WDR86: variants seen among roughly 807,000 people sequenced by gnomAD.
The protein encoded by WDR86 is WD repeat-containing protein 86.
A neutral mutation model predicts 36.5 loss-of-function variants in WDR86; 30 were observed. The ratio of observed to expected loss-of-function variants is 0.82; its 90% CI spans 0.61 to 1.11. WDR86 has a LOEUF of 1.11. Ranked by LOEUF, WDR86 falls within the 50% of genes most tolerant of loss-of-function variation. The pLI, the probability that WDR86 is intolerant of heterozygous loss-of-function variation, is 0.00. For missense variants in WDR86, 545 were observed against 561.2 expected (o/e 0.97, Z 0.29); for synonymous variants, 255 against 252.9 (o/e 1.01, Z -0.08).
At chr7:151,391,434 C>T (rs898148376) in intron 3 of WDR86, among the ~76,000 whole-genome samples, 5 of 152,128 alleles carry the variant, frequency 3.3e-5, no homozygotes, top group East Asian at 1.9e-4. Context: ...TGAGTGGTGT[C>T]GGGTGAAAGA....
chr7:151,408,199 C>CTTTTT (rs1029293163), intron 1 of WDR86, among the ~76,000 whole-genome samples: 30 of 116,064 alleles, frequency 2.6e-4, no homozygotes, highest in African/African-American at 8.4e-4. Context: ...CTTTTCTTTT[C>CTTTTT]TTTTTTTTTT....
chr7:151,395,223 A>G (rs1371032295), intron 3 of WDR86, among the ~76,000 whole-genome samples: 1 of 152,208 alleles, frequency 6.6e-6, no homozygotes, highest in Non-Finnish European at 1.5e-5. Flanking sequence ...TGACAGCACA[A>G]AGACAAACCA....
chr7:151,389,238 G>C (rs2150775421), intron 3 of WDR86, among the ~76,000 whole-genome samples: 1 of 151,648 alleles, frequency 6.6e-6, no homozygotes, highest in South Asian at 2.1e-4. Flanking sequence ...TAACAGGCGT[G>C]AGCCACCGTG....
At chr7:151,382,055 C>A in intron 4 of WDR86, 74 bp from the exon 5 acceptor site, 1 of 1,398,216 alleles carries the variant, frequency 7.2e-7, no homozygotes. Flanking sequence ...GCGGCGAGAG[C>A]GTGACCTGGG....
chr7:151,409,097 C>T lies in WDR86; in HGVS notation c.163+330G>A, dbSNP rs1361345469. Reference sequence around the variant, plus strand: ...TTGCTTAGAAGGAGTATAGGTGCAACTTTTTGTTTGTTAACATTGTTGTCA... The same window carrying T: ...TTGCTTAGAAGGAGTATAGGTGCAATTTTTTGTTTGTTAACATTGTTGTCA... On this transcript the variant is annotated intron_variant, in intron 1 of 5. Coordinates refer to ENST00000334493, the MANE Select transcript of WDR86 (RefSeq NM_198285.3). The surrounding 1 kb of genome is among the most constrained non-coding windows in gnomAD (Gnocchi z 5.2). 1 of 598,460 alleles carries T rather than the reference C, an allele frequency of 1.7e-6. No homozygotes were observed. Among genetic ancestry groups the T allele is most frequent in the South Asian group, 1.5e-5 (1 of 65,590 alleles). The allele number at this position is 598,460 out of a possible 1,614,324, so 37.1% of individuals were successfully genotyped here.
chr7:151,392,411 G>T (rs1221022576), intron 3 of WDR86, among the ~76,000 whole-genome samples: 1 of 152,176 alleles, frequency 6.6e-6, no homozygotes, highest in Admixed American at 6.5e-5. Flanking sequence ...GGAACTTAGG[G>T]TTTGTGTTTA....
At chr7:151,376,386 C>A (rs1798250767), downstream of WDR86, 1 of 524,720 alleles carries the variant, frequency 1.9e-6, no homozygotes, top group Admixed American at 3.4e-5. Context: ...TGGCGCCCTG[C>A]TCTCAGCCCG....
At chr7:151,400,870 T>G (rs1452910078) in intron 1 of WDR86, among the ~76,000 whole-genome samples, 1 of 152,256 alleles carries the variant, frequency 6.6e-6, no homozygotes, top group Non-Finnish European at 1.5e-5. Flanking sequence ...CAAGCAAAGC[T>G]ATCTTCAGTA....
chr7:151,372,848 C>T (rs1798025450), downstream of WDR86, among the ~76,000 whole-genome samples: 1 of 152,092 alleles, frequency 6.6e-6, no homozygotes, highest in Non-Finnish European at 1.5e-5. Context: ...GGGCATGAGA[C>T]AGGCCTGGTG....
At chr7:151,384,667 A>G (rs559557782) in intron 4 of WDR86, among the ~76,000 whole-genome samples, 7 of 152,306 alleles carry the variant, frequency 4.6e-5, no homozygotes, top group Admixed American at 2.0e-4. Flanking sequence ...GAGAAAATAA[A>G]CCACCACCTC....
rs1262570119 is a variant in WDR86, at chr7:151,406,116, AGCTCACCAACC to A, written c.163+3300_163+3310del. Reference sequence around the variant, plus strand: ...TTGCAATGAAGCCTTTTTCACTGTGAGCTCACCAACCGCATTTGAAAGGCAATTCCGTGTAT... The same window carrying A: ...TTGCAATGAAGCCTTTTTCACTGTGAGCATTTGAAAGGCAATTCCGTGTAT... On this transcript the variant is annotated intron_variant, in intron 1 of 5. Transcript: ENST00000334493. The surrounding 1 kb of genome is among the most constrained non-coding windows in gnomAD (Gnocchi z 4.4). Among the ~76,000 whole-genome samples the A allele has an allele frequency of 2.0e-5, 3 of 152,118 alleles. No individual in the cohort carries two copies. Among genetic ancestry groups the A allele is most frequent in the Non-Finnish European group, 2.9e-5 (2 of 68,026 alleles).
chr7:151,377,457 C>T (rs960063805), downstream of WDR86: 5 of 360,142 alleles, frequency 1.4e-5, no homozygotes, highest in Admixed American at 4.6e-5. Context: ...CCCAGGTCTG[C>T]GTCCCTAACC....
In WDR86 at chr7:151,409,033, C is replaced by T; in HGVS notation, c.163+394G>A. 2.0e-6 allele frequency: 1 copy of T among 493,820 alleles called. No individual in the cohort carries two copies. The highest frequency in any genetic ancestry group is 1.5e-5 in the South Asian group (1 of 64,734). The allele number at this position is 493,820 out of a possible 1,614,324, so 30.6% of individuals were successfully genotyped here. A position where few individuals can be genotyped will look rare whatever the true frequency, so the allele number is the denominator to read the frequency against. On this transcript the variant is annotated intron_variant, in intron 1 of 5. Coordinates refer to ENST00000334493, the MANE Select transcript of WDR86 (RefSeq NM_198285.3). The surrounding 1 kb of genome is among the most constrained non-coding windows in gnomAD (Gnocchi z 5.2). ...ATGCCAGCAGAAGAGCACAATTGGCCACAAAGAGGCCACAAGGCACCTAGA... is the reference window on the plus strand; with the variant it reads ...ATGCCAGCAGAAGAGCACAATTGGCTACAAAGAGGCCACAAGGCACCTAGA...
intron 3 of WDR86, among the ~76,000 whole-genome samples, chr7:151,387,034 G>A (rs1430488989): frequency 2.0e-5 from 3 of 152,226 alleles, no homozygotes; most frequent in African/African-American, 4.8e-5. Flanking sequence ...CACCACCAGC[G>A]CAGCGTTTCC....
At position 151,388,154 on chromosome 7, in the gene WDR86, C is replaced by G. The variant is rs189431894; in HGVS notation, c.727-2931G>C. Among the ~76,000 whole-genome samples, 13 of 152,344 alleles carry G rather than the reference C, an allele frequency of 8.5e-5. No homozygotes were observed. Among genetic ancestry groups the G allele is most frequent in the Non-Finnish European group, 1.5e-4 (10 of 68,030 alleles). On this transcript the variant is annotated intron_variant, in intron 3 of 5. Coordinates refer to ENST00000334493, the MANE Select transcript of WDR86 (RefSeq NM_198285.3). This position sits in a 1 kb window ranked among gnomAD's most constrained non-coding sequence, Gnocchi z 4.2. ...GCCCCACGACATCCTTGCTGTGGTCCCCACCACCTCGGGCTCCCAGATCCT... is the reference window on the plus strand; with the variant it reads ...GCCCCACGACATCCTTGCTGTGGTCGCCACCACCTCGGGCTCCCAGATCCT...
At chr7:151,393,203 GTGTT>G (rs2150795387) in intron 3 of WDR86, among the ~76,000 whole-genome samples, 1 of 152,340 alleles carries the variant, frequency 6.6e-6, no homozygotes, top group African/African-American at 2.4e-5. Context: ...GTTCACACGT[GTGTT>G]CACACGTGTG....
In WDR86 at chr7:151,405,287, C is replaced by T. The variant is rs973577092; in HGVS notation, c.163+4140G>A. On this transcript the variant is annotated intron_variant, in intron 1 of 5. Transcript: ENST00000334493. The surrounding 1 kb of genome is among the most constrained non-coding windows in gnomAD (Gnocchi z 4.7). ...AGGATATGTTCCCCTCCCCCAGCTC[C>T]GACCCTGCAGGGCTCCCTCAGGCTG... 1.3e-5 allele frequency among the ~76,000 whole-genome samples: 2 copies of T among 152,156 alleles called. No individual in the cohort carries two copies. The highest frequency in any genetic ancestry group is 4.8e-5 in the African/African-American group (2 of 41,432).
At chr7:151,410,485 CCT>C (rs1240538860), upstream of WDR86, 1 of 152,366 alleles carries the variant, frequency 6.6e-6, no homozygotes, top group Non-Finnish European at 1.5e-5. Context: ...CCGAGTCCGC[CCT>C]CCCTGGGAAA....
Position 151,409,725 on chromosome 7 carries a change from C to A in WDR86, c.-136G>T. On this transcript the variant is annotated 5_prime_UTR_variant, in exon 1 of 6. Coordinates refer to ENST00000334493, the MANE Select transcript of WDR86 (RefSeq NM_198285.3). The surrounding 1 kb of genome is among the most constrained non-coding windows in gnomAD (Gnocchi z 5.2). ...GGGGAGCCCGACTCCTGCGGAGGCA[C>A]GCGGCGAGGGGAGGGTGAAGGACCC... 1 of 1,291,482 alleles carries A rather than the reference C, an allele frequency of 7.7e-7. No homozygotes were observed. Among genetic ancestry groups the A allele is most frequent in the Non-Finnish European group, 9.8e-7 (1 of 1,023,246 alleles). 80.0% of individuals were successfully genotyped at this position (1,291,482 alleles called of 1,614,324 possible).
Sources: allele counts gnomAD v4.1 joint callset (sites outside exome capture counted in the v4.1 genomes callset), GRCh38; gene constraint gnomAD v4.1.1; non-coding constraint Gnocchi (gnomAD v3.1); transcripts MANE v1.5; gene names NCBI Gene and HGNC (gene_info 2026-07-23, HGNC 2026-07-21).